Variants in RANBP2 observed in about 807,000 individuals in gnomAD.
RANBP2 encodes RAN binding protein 2, also known as E3 SUMO-protein ligase RanBP2.
A neutral mutation model predicts 303.6 loss-of-function variants in RANBP2; 57 were observed. The ratio of observed to expected loss-of-function variants is 0.19; its 90% CI spans 0.15 to 0.23. The LOEUF is 0.23. RANBP2 is among the 10% of genes least tolerant of loss of function. RANBP2 has a pLI of 1.00. For synonymous variants in RANBP2, 1,167 were observed against 1,301.5 expected, an observed-to-expected ratio of 0.90 and a Z score of 2.23; for missense variants, 3,138 against 3,780.8, an observed-to-expected ratio of 0.83 and a Z score of 4.46.
intron 6 of RANBP2, among the ~76,000 whole-genome samples, chr2:108,737,057 A>AT (rs1424463784): frequency 1.4e-5 from 2 of 148,074 alleles, no homozygotes; most frequent in African/African-American, 2.5e-5. Flanking sequence ...GTGGAAGTTA[A>AT]TTTATTTCCC....
At chr2:109,735,793 A>G in the RANBP2 span, among the ~76,000 whole-genome samples, 2 of 152,228 alleles carry the variant, frequency 1.3e-5, 1 homozygote, top group South Asian at 4.1e-4. Flanking sequence ...AGACATTGCC[A>G]AAGAGCAACT....
the RANBP2 span, among the ~76,000 whole-genome samples, chr2:108,879,138 T>C: frequency 6.6e-6 from 1 of 152,334 alleles, no homozygotes; most frequent in Non-Finnish European, 1.5e-5. Context: ...CTTTTATTTA[T>C]TTATTTAATT....
At chr2:108,854,709 C>T in the RANBP2 span, among the ~76,000 whole-genome samples, 2 of 152,124 alleles carry the variant, frequency 1.3e-5, no homozygotes, top group Non-Finnish European at 2.9e-5. Flanking sequence ...CTGGGCTCGG[C>T]TGGGCTTGGT....
chr2:109,370,813 A>G, the RANBP2 span, among the ~76,000 whole-genome samples: 3 of 151,894 alleles, frequency 2.0e-5, no homozygotes, highest in Admixed American at 1.3e-4. Context: ...CACTTTGTGC[A>G]TTTATACTTG....
At chr2:109,402,064 C>T in the RANBP2 span, among the ~76,000 whole-genome samples, 4,676 of 152,266 alleles carry the variant, frequency 0.031, 241 homozygotes, top group African/African-American at 0.1. Context: ...ATCGAGCTGC[C>T]GGGAGACAGA....
chr2:109,251,321 C>G, the RANBP2 span: 1 of 444,480 alleles, frequency 2.2e-6, no homozygotes, highest in South Asian at 2.1e-5. Flanking sequence ...TTATCTTTAA[C>G]AAAGAATTAG....
At position 108,750,656 on chromosome 2, in the gene RANBP2, C is replaced by T. The variant is rs542961869; in HGVS notation, c.1274-608C>T. Among the ~76,000 whole-genome samples, 486 of 151,712 alleles carry T rather than the reference C, an allele frequency of 3.2e-3. 2 individuals are homozygous for T. Among genetic ancestry groups the T allele is most frequent in the African/African-American group, 0.011 (444 of 41,394 alleles). ...AGGCTGGAGTGCAGTGGCGCAATCT[C>T]GGCTCACTGCAACTTCCGCCTGCCA... On this transcript the variant is annotated intron_variant, in intron 9 of 28. Transcript: ENST00000283195.
the RANBP2 span, among the ~76,000 whole-genome samples, chr2:109,322,355 G>A: frequency 6.6e-6 from 1 of 152,196 alleles, no homozygotes; most frequent in Non-Finnish European, 1.5e-5. Context: ...ATTTCAACAT[G>A]TGCCGAAATG....
In RANBP2 at chr2:108,765,135, A is replaced by G; in HGVS notation, c.4596A>G (p.Leu1532=). 1 of 1,614,022 alleles carries G rather than the reference A, an allele frequency of 6.2e-7. No homozygotes were observed. Among genetic ancestry groups the G allele is most frequent in the Non-Finnish European group, 8.5e-7 (1 of 1,179,948 alleles). ...GTACTTCAGAGACAAGTAAAACTCT[A>G]AAAAGTGGATTTGAAGACATGTTTG... is the stretch of plus-strand genomic sequence containing the variant. ...KFGTSETSKT[L]KSGFEDMFAK... The change falls in exon 20 of 29, where the codon CTA becomes CTG. Residue 1532 remains leucine (L), a synonymous_variant. Coordinates refer to ENST00000283195, the MANE Select transcript of RANBP2 (RefSeq NM_006267.5).
the RANBP2 span, among the ~76,000 whole-genome samples, chr2:109,728,435 ATTTTTTATTTTTAAAAAATTTATTT>A: frequency 1.3e-5 from 2 of 152,014 alleles, no homozygotes; most frequent in Non-Finnish European, 2.9e-5. Flanking sequence ...AAATAATACT[ATTTTTTATTTTTAAAAAATTTATTT>A]TTTTTTATTT....
the RANBP2 span, among the ~76,000 whole-genome samples, chr2:109,692,122 A>G: frequency 1.3e-5 from 2 of 152,070 alleles, no homozygotes; most frequent in Admixed American, 6.6e-5. Flanking sequence ...ACCCAAATCC[A>G]TCCCTTGCAC....
At chr2:109,272,633 C>T in the RANBP2 span, among the ~76,000 whole-genome samples, 11 of 152,356 alleles carry the variant, frequency 7.2e-5, no homozygotes, top group East Asian at 1.9e-4. Flanking sequence ...TGCTTCCGCA[C>T]AGACACAGCT....
At chr2:109,572,609 C>CTTTT in the RANBP2 span, among the ~76,000 whole-genome samples, 33 of 111,202 alleles carry the variant, frequency 3.0e-4, no homozygotes, top group Non-Finnish European at 4.4e-4. Flanking sequence ...TTTAAAACAA[C>CTTTT]TTTTTTTTTT....
At chr2:109,625,084 C>CAAAAAAAAGAAAAAAAAAAAAAAAAA in the RANBP2 span, among the ~76,000 whole-genome samples, 1 of 61,914 alleles carries the variant, frequency 1.6e-5, no homozygotes, top group Non-Finnish European at 2.9e-5. Flanking sequence ...ACAACAACAA[C>CAAAAAAAAGAAAAAAAAAAAAAAAAA]AACAAAAAAA....
the RANBP2 span, among the ~76,000 whole-genome samples, chr2:108,878,795 A>G: frequency 6.6e-6 from 1 of 152,226 alleles, no homozygotes; most frequent in Non-Finnish European, 1.5e-5. Flanking sequence ...GGAGCTGTTA[A>G]CTACAATCTT....
At chr2:109,574,682 A>G in the RANBP2 span, 1 of 1,610,266 alleles carries the variant, frequency 6.2e-7, no homozygotes, top group African/African-American at 1.3e-5. Flanking sequence ...GAATCATGGT[A>G]GGTAAAGAGA....
At chr2:109,434,025 C>A in the RANBP2 span, among the ~76,000 whole-genome samples, 1 of 152,220 alleles carries the variant, frequency 6.6e-6, no homozygotes, top group Non-Finnish European at 1.5e-5. Flanking sequence ...TCTGGATTTC[C>A]CATGCCAGTA....
chr2:109,039,453 CA>C, the RANBP2 span, among the ~76,000 whole-genome samples: 1 of 152,216 alleles, frequency 6.6e-6, no homozygotes, highest in Non-Finnish European at 1.5e-5. Flanking sequence ...TGGGTTCAAG[CA>C]ATTCTCCTGG....
the RANBP2 span, among the ~76,000 whole-genome samples, chr2:109,603,370 G>T: frequency 6.6e-6 from 1 of 152,022 alleles, no homozygotes; most frequent in Non-Finnish European, 1.5e-5. Flanking sequence ...CAGCAGCTGG[G>T]ACTACAGGCA....
Sources: allele counts gnomAD v4.1 joint callset (sites outside exome capture counted in the v4.1 genomes callset), GRCh38; gene constraint gnomAD v4.1.1; transcripts MANE v1.5; gene names NCBI Gene and HGNC (gene_info 2026-07-23, HGNC 2026-07-21).